Variants in SLC35D2 observed in about 807,000 individuals in gnomAD.
The protein encoded by SLC35D2 is solute carrier family 35 member D2, also known as nucleotide sugar transporter SLC35D2.
A neutral mutation model predicts 41.8 loss-of-function variants in SLC35D2; 43 were observed. The ratio of observed to expected loss-of-function variants is 1.03; its 90% CI spans 0.81 to 1.33. The LOEUF (loss-of-function observed/expected upper bound fraction) is 1.33. Ranked by LOEUF, SLC35D2 falls within the 40% of genes most tolerant of loss-of-function variation. SLC35D2 has a pLI of 0.00. For synonymous variants in SLC35D2, 150 were observed against 163.9 expected, an observed-to-expected ratio of 0.92 and a Z score of 0.65; for missense variants, 380 against 408.4, an observed-to-expected ratio of 0.93 and a Z score of 0.60.
chr9:96,360,286 TA>T, intron 3 of SLC35D2, 65 bp from the exon 4 acceptor site: 1 of 1,261,686 alleles, frequency 7.9e-7, no homozygotes, highest in Non-Finnish European at 1.1e-6. Context: ...CCTTCACATA[TA>T]AAAATGGTGA....
At chr9:96,317,016 T>C (rs1828068211), downstream of SLC35D2, among the ~76,000 whole-genome samples, 1 of 151,706 alleles carries the variant, frequency 6.6e-6, no homozygotes, top group Non-Finnish European at 1.5e-5. Flanking sequence ...CGGGCGCCTG[T>C]AGTCCCAGCT....
intron 7 of SLC35D2, 67 bp from the exon 8 acceptor site, chr9:96,344,063 T>A: frequency 1.1e-6 from 1 of 920,432 alleles, no homozygotes; most frequent in South Asian, 1.6e-5. Flanking sequence ...CCTGGAGCCA[T>A]TTATACAACT....
intron 3 of SLC35D2, 86 bp from the exon 4 acceptor site, chr9:96,360,307 C>T: frequency 1.9e-6 from 2 of 1,035,134 alleles, no homozygotes. Flanking sequence ...ACAGATACTT[C>T]ACCAGAGAGG....
intron 1 of SLC35D2, among the ~76,000 whole-genome samples, chr9:96,368,954 G>A (rs939381389): frequency 2.0e-5 from 3 of 151,950 alleles, no homozygotes; most frequent in Non-Finnish European, 2.9e-5. Flanking sequence ...TAGTAGAAAC[G>A]GAGTTTCATC....
chr9:96,321,935 A>G, intron 11 of SLC35D2, 63 bp downstream of exon 11: 1 of 942,626 alleles, frequency 1.1e-6, no homozygotes, highest in South Asian at 1.4e-5. Context: ...CTTATTACAT[A>G]TTAATCAGAG....
intron 4 of SLC35D2, among the ~76,000 whole-genome samples, chr9:96,358,705 T>A (rs1035628720): frequency 5.9e-5 from 9 of 152,284 alleles, no homozygotes; most frequent in Non-Finnish European, 1.0e-4. Context: ...CGAAAAAGTT[T>A]AGGTTGGGTG....
intron 6 of SLC35D2, among the ~76,000 whole-genome samples, chr9:96,349,729 T>C (rs777416759): frequency 1.1e-4 from 17 of 152,204 alleles, no homozygotes; most frequent in Non-Finnish European, 2.5e-4. Flanking sequence ...TTTTGCCATG[T>C]TGGCCAGGCT....
intron 1 of SLC35D2, among the ~76,000 whole-genome samples, chr9:96,373,739 C>T (rs1830813779): frequency 6.6e-6 from 1 of 152,020 alleles, no homozygotes; most frequent in African/African-American, 2.4e-5. Context: ...TGAGCAGTCC[C>T]CAAGGAAACC....
intron 8 of SLC35D2, among the ~76,000 whole-genome samples, chr9:96,343,152 C>T (rs746253827): frequency 1.4e-4 from 21 of 152,320 alleles, no homozygotes; most frequent in Admixed American, 6.5e-4. Context: ...TTGCACCCTT[C>T]GGGGTGGCCA....
At chr9:96,365,067 A>G (rs1014292862) in intron 2 of SLC35D2, among the ~76,000 whole-genome samples, 6 of 151,290 alleles carry the variant, frequency 4.0e-5, no homozygotes, top group Non-Finnish European at 5.9e-5. Context: ...AAAAAAGGTA[A>G]TATCAGCTGG....
At chr9:96,341,863 G>C (rs1174603704) in intron 8 of SLC35D2, among the ~76,000 whole-genome samples, 1 of 151,866 alleles carries the variant, frequency 6.6e-6, no homozygotes, top group East Asian at 1.9e-4. Context: ...TAGTGTTGTT[G>C]CCATGGGGAA....
At chr9:96,316,468 C>G (rs4743720), downstream of SLC35D2, among the ~76,000 whole-genome samples, 80,642 of 151,032 alleles carry the variant, frequency 0.53, 21,726 homozygotes, top group African/African-American at 0.6. Context: ...CTGGGCAAGA[C>G]AGCAAGACTC....
At chr9:96,372,746 G>A (rs1283988371) in intron 1 of SLC35D2, among the ~76,000 whole-genome samples, 2 of 151,076 alleles carry the variant, frequency 1.3e-5, no homozygotes, top group African/African-American at 2.4e-5. Flanking sequence ...CACCACGCCT[G>A]CCTAATTTTT....
intron 10 of SLC35D2, among the ~76,000 whole-genome samples, chr9:96,322,431 G>A (rs1828282659): frequency 6.6e-6 from 1 of 152,088 alleles, no homozygotes; most frequent in South Asian, 2.1e-4. Flanking sequence ...ACTGAAGTGG[G>A]AGGATTGCTT....
At chr9:96,345,081 G>A (rs1829515848) in intron 7 of SLC35D2, among the ~76,000 whole-genome samples, 2 of 152,218 alleles carry the variant, frequency 1.3e-5, no homozygotes, top group South Asian at 4.1e-4. Context: ...TATGTTCTGA[G>A]TGTGCATCTA....
At position 96,374,815 on chromosome 9, in the gene SLC35D2, G is replaced by A. The variant is rs551349029; in HGVS notation, c.159-6510C>T. ...ATCACGCCACTGCACTCCAGCCTGC[G>A]CAAAAGAGCAAGAGCGACACTCCGC... On this transcript the variant is annotated intron_variant, in intron 1 of 11. Transcript: ENST00000253270. 9.4e-5 allele frequency among the ~76,000 whole-genome samples: 14 copies of A among 148,246 alleles called. 1 individual carries two copies. In the South Asian group the frequency reaches 2.8e-3, roughly 30 times the overall value.
chr9:96,344,771 C>T (rs1185308775), intron 7 of SLC35D2, among the ~76,000 whole-genome samples: 1 of 151,344 alleles, frequency 6.6e-6, no homozygotes, highest in African/African-American at 2.4e-5. Flanking sequence ...CAGGCAGCCA[C>T]ACAAAAGCAA....
rs1406972567 is a variant in SLC35D2 at position 96,351,190 on chromosome 9, TAAGA to T, written c.420-23_420-20del. ...CTGCTTCCTGTAATAAATACACAAA[TAAGA>T]AAGGAAAGGGAGCAGAGAGGAAAAC... On this transcript the variant is annotated intron_variant, in intron 5 of 11. Coordinates refer to ENST00000253270, the MANE Select transcript of SLC35D2 (RefSeq NM_007001.3). 6 of 1,539,902 alleles carry T rather than the reference TAAGA, an allele frequency of 3.9e-6. No individual in the cohort carries two copies. The highest frequency in any genetic ancestry group is 1.7e-5 in the Admixed American group (1 of 59,708).
At chr9:96,320,685 A>G (rs915459303), downstream of SLC35D2, 3 of 152,196 alleles carry the variant, frequency 2.0e-5, no homozygotes, top group Admixed American at 6.5e-5. Flanking sequence ...TCTGCCTCCA[A>G]TAATATCACA....
Sources: allele counts gnomAD v4.1 joint callset (sites outside exome capture counted in the v4.1 genomes callset), GRCh38; gene constraint gnomAD v4.1.1; transcripts MANE v1.5; gene names NCBI Gene and HGNC (gene_info 2026-07-23, HGNC 2026-07-21).